Variants in ARID4A observed in about 807,000 individuals in gnomAD.
The protein encoded by ARID4A is AT-rich interactive domain-containing protein 4A.
A neutral mutation model predicts 148.6 loss-of-function variants in ARID4A; 39 were observed. That is an observed-to-expected ratio of 0.26 (90% confidence interval 0.20 to 0.34). The LOEUF (loss-of-function observed/expected upper bound fraction) is 0.34, where lower values mean the gene tolerates loss of function less well. Ranked by LOEUF, ARID4A falls within the 10% of genes least tolerant of loss-of-function variation. The pLI, the probability that ARID4A is intolerant of heterozygous loss-of-function variation, is 1.00. For missense variants in ARID4A, 1,265 were observed against 1,449.1 expected (o/e 0.87, Z 2.06); for synonymous variants, 475 against 481.2 (o/e 0.99, Z 0.17).
At chr14:58,325,845 G>A (rs1411312997) in intron 8 of ARID4A, among the ~76,000 whole-genome samples, 1 of 151,322 alleles carries the variant, frequency 6.6e-6, no homozygotes, top group Non-Finnish European at 1.5e-5. Flanking sequence ...CAGATTGTAG[G>A]TTTGCCAAGA....
intron 12 of ARID4A, among the ~76,000 whole-genome samples, chr14:58,345,415 A>C (rs2140229198): frequency 6.6e-6 from 1 of 152,340 alleles, no homozygotes; most frequent in East Asian, 1.9e-4. Flanking sequence ...TGTGGCAAAT[A>C]AACTAGATAA....
At chr14:58,314,234 C>G (rs1203648022) in intron 5 of ARID4A, among the ~76,000 whole-genome samples, 1 of 152,164 alleles carries the variant, frequency 6.6e-6, no homozygotes. Flanking sequence ...AGAAGCTAGA[C>G]TTGCTATATA....
At chr14:58,348,731 T>C (rs950094659) in intron 15 of ARID4A, among the ~76,000 whole-genome samples, 6 of 152,222 alleles carry the variant, frequency 3.9e-5, no homozygotes, top group Non-Finnish European at 7.3e-5. Flanking sequence ...AATGTGAAAT[T>C]GCTTTGTCTT....
chr14:58,336,484 G>C lies in ARID4A; in HGVS notation c.906+6315G>C, dbSNP rs376015965. 2.6e-5 allele frequency among the ~76,000 whole-genome samples: 4 copies of C among 152,282 alleles called. 1 individual carries two copies. ...GTTTGCTTTTCACTTTAAGTTAAAC[G>C]TGAAGTTTAACTGAAGTTTAAAATT... On this transcript the variant is annotated intron_variant, in intron 11 of 23. Coordinates refer to ENST00000355431, the MANE Select transcript of ARID4A (RefSeq NM_002892.4).
chr14:58,317,434 G>A (rs1281456950), intron 5 of ARID4A, among the ~76,000 whole-genome samples: 6 of 149,020 alleles, frequency 4.0e-5, no homozygotes, highest in African/African-American at 4.9e-5. Flanking sequence ...ACAGGCGCCC[G>A]CCACCACGTC....
At chr14:58,352,636 G>A (rs1000904630) in intron 16 of ARID4A, among the ~76,000 whole-genome samples, 1 of 151,874 alleles carries the variant, frequency 6.6e-6, no homozygotes, top group East Asian at 1.9e-4. Flanking sequence ...TTATTGGAAG[G>A]TGCCTTCCAA....
chr14:58,371,871 G>T lies in ARID4A; in HGVS notation c.3671-15G>T. ...AACAGTTTTTGGATCTAACATAGTT[G>T]TTTTGATTCCACAGTGTCTCATGCG... On this transcript the variant is annotated splice_polypyrimidine_tract_variant and intron_variant, in intron 23 of 23. Transcript: ENST00000355431. 6.3e-7 allele frequency: 1 copy of T among 1,597,488 alleles called. No individual in the cohort carries two copies. Among genetic ancestry groups the T allele is most frequent in the Non-Finnish European group, 8.6e-7 (1 of 1,165,350 alleles).
intron 5 of ARID4A, among the ~76,000 whole-genome samples, chr14:58,313,121 C>G (rs901350024): frequency 1.3e-5 from 2 of 152,274 alleles, no homozygotes; most frequent in South Asian, 4.1e-4. Flanking sequence ...TCATTTTCCT[C>G]TTAATAGATT....
chr14:58,341,373 G>A (rs551617420), intron 11 of ARID4A, among the ~76,000 whole-genome samples: 32 of 152,232 alleles, frequency 2.1e-4, no homozygotes, highest in Non-Finnish European at 3.8e-4. Context: ...TCATGCTTAC[G>A]CTGTTTGCCC....
chr14:58,301,777 A>G (rs1365988394), intron 3 of ARID4A, 87 bp downstream of exon 3: 10 of 910,458 alleles, frequency 1.1e-5, no homozygotes, highest in Middle Eastern at 5.0e-4. Flanking sequence ...CATTTTATTG[A>G]GTCATTATAT....
chr14:58,329,311 C>T (rs1256667134), intron 9 of ARID4A, among the ~76,000 whole-genome samples: 1 of 152,148 alleles, frequency 6.6e-6, no homozygotes, highest in Admixed American at 6.5e-5. Context: ...GAATGTGAGG[C>T]TCTCAATGTA....
intron 11 of ARID4A, among the ~76,000 whole-genome samples, chr14:58,340,000 C>T (rs2034033142): frequency 6.6e-6 from 1 of 152,134 alleles, no homozygotes; most frequent in Non-Finnish European, 1.5e-5. Context: ...CCAGGTCCCT[C>T]CCCGAGTATT....
rs2035638749 is a variant in ARID4A, at chr14:58,372,052, T to C, written c.*63T>C. ...TGGACATAAATCCCCAAACCCTGAA[T>C]TACAACCACAGAAAGCACTCAACTG... On this transcript the variant is annotated 3_prime_UTR_variant, in exon 24 of 24. Coordinates refer to ENST00000355431, the MANE Select transcript of ARID4A (RefSeq NM_002892.4). 8.6e-7 allele frequency: 1 copy of C among 1,167,972 alleles called. No homozygotes were observed. The highest frequency in any genetic ancestry group is 1.3e-6 in the Non-Finnish European group (1 of 786,288). The allele number at this position is 1,167,972 out of a possible 1,614,324, so 72.4% of individuals were successfully genotyped here.
intron 7 of ARID4A, among the ~76,000 whole-genome samples, chr14:58,319,948 C>CTTTTTTTTT (rs1011938946): frequency 7.9e-6 from 1 of 127,188 alleles, no homozygotes; most frequent in Non-Finnish European, 1.7e-5. Context: ...TTTTTCTTTT[C>CTTTTTTTTT]TTTTTTTTTT....
At chr14:58,314,848 GT>G (rs2032298034) in intron 5 of ARID4A, among the ~76,000 whole-genome samples, 1 of 152,204 alleles carries the variant, frequency 6.6e-6, no homozygotes, top group African/African-American at 2.4e-5. Flanking sequence ...TCTGGGTTCA[GT>G]GGCTCACACC....
chr14:58,367,104 A>G (rs2035391221), intron 23 of ARID4A, 75 bp downstream of exon 23: 2 of 1,180,416 alleles, frequency 1.7e-6, no homozygotes, highest in African/African-American at 3.2e-5. Flanking sequence ...TAAATTTGAT[A>G]CTCTTTGAAT....
At position 58,366,226 on chromosome 14, in the gene ARID4A, G is replaced by A; in HGVS notation, c.3519G>A (p.Gln1173=). The change falls in exon 22 of 24, where the codon CAG becomes CAA. Residue 1173 remains glutamine (Q), a synonymous_variant. Coordinates refer to ENST00000355431, the MANE Select transcript of ARID4A (RefSeq NM_002892.4). Reference sequence around the variant, plus strand: ...CTAGGACATATAAATGGAGCTTTCAGCTCAGTAAGAAGCTTATAGAAAACT... The same window carrying A: ...CTAGGACATATAAATGGAGCTTTCAACTCAGTAAGAAGCTTATAGAAAACT... The part of the protein sequence containing the change: ...SSPRTYKWSF[Q]LNELDNMNST... 6.2e-7 allele frequency: 1 copy of A among 1,611,392 alleles called. No homozygotes were observed. Among genetic ancestry groups the A allele is most frequent in the Non-Finnish European group, 8.5e-7 (1 of 1,177,848 alleles).
intron 5 of ARID4A, among the ~76,000 whole-genome samples, chr14:58,314,339 A>C (rs2032260914): frequency 6.6e-6 from 1 of 152,218 alleles, no homozygotes. Context: ...GGAAGTTAAG[A>C]GAGGAACTTT....
At chr14:58,354,042 C>T (rs957974942) in intron 17 of ARID4A, among the ~76,000 whole-genome samples, 187 bp downstream of exon 17, 2 of 152,174 alleles carry the variant, frequency 1.3e-5, no homozygotes, top group African/African-American at 4.8e-5. Flanking sequence ...TAGCCAGAGA[C>T]TACCAGGATC....
Sources: gnomAD v4.1 joint callset for allele counts (sites outside exome capture counted in the v4.1 genomes callset) on GRCh38, gnomAD v4.1.1 for gene constraint, MANE v1.5 for transcripts, NCBI Gene and HGNC (gene_info 2026-07-23, HGNC 2026-07-21) for gene names.